CLASP2: variants seen among roughly 807,000 people sequenced by gnomAD.
The protein encoded by CLASP2 is CLIP-associating protein 2.
A neutral mutation model predicts 194.4 loss-of-function variants in CLASP2; 47 were observed. The observed-to-expected ratio is 0.24, with a 90% CI of 0.19 to 0.31. CLASP2 has a LOEUF of 0.31. CLASP2 is among the 10% of genes least tolerant of loss of function. The pLI is 1.00. For missense variants in CLASP2, 1,445 were observed against 1,823.6 expected (o/e 0.79, Z 3.78); for synonymous variants, 619 against 633.5 (o/e 0.98, Z 0.34).
chr3:33,528,816 A>G (rs944271775), intron 34 of CLASP2, among the ~76,000 whole-genome samples: 1 of 152,032 alleles, frequency 6.6e-6, no homozygotes, highest in Non-Finnish European at 1.5e-5. Context: ...GGAAGAAAGA[A>G]AGAGAGAAAG....
chr3:33,643,418 A>C (rs2081687466), intron 8 of CLASP2, among the ~76,000 whole-genome samples: 2 of 152,076 alleles, frequency 1.3e-5, no homozygotes, highest in East Asian at 1.9e-4. Flanking sequence ...TATACTTTTT[A>C]CTAGCGGTAA....
At position 33,573,228 on chromosome 3, in the gene CLASP2, T is replaced by C. The variant is rs755029277; in HGVS notation, c.2581A>G (p.Met861Val). 2.5e-6 allele frequency: 4 copies of C among 1,613,954 alleles called. No homozygotes were observed. Among genetic ancestry groups the C allele is most frequent in the South Asian group, 2.2e-5 (2 of 91,088 alleles). Residue 861 changes from methionine (M) to valine (V), a missense_variant, in exon 25 of 39, where the codon ATG becomes GTG. Around this residue, in one of 4 missense-constraint regions of CLASP2, gnomAD observed 732 missense variants for 987.9 expected, o/e 0.74. Coordinates refer to ENST00000682230, the MANE Select transcript of CLASP2 (RefSeq NM_001365631.1). ...TCTGCCACATCTTCCGTCTGCCTCA[T>C]ATATGTAGGAATACTACCATTTCGA... ...SSRNGSIPTY[M>V]RQTEDVAEVL...
intron 12 of CLASP2, among the ~76,000 whole-genome samples, chr3:33,617,423 C>T (rs548807394): frequency 3.0e-4 from 45 of 151,988 alleles, no homozygotes; most frequent in Non-Finnish European, 5.6e-4. Context: ...AGTTAGAAAT[C>T]TATATTTCAC....
chr3:33,556,427 TTTTC>T (rs1395155579), intron 29 of CLASP2, among the ~76,000 whole-genome samples: 14 of 151,654 alleles, frequency 9.2e-5, no homozygotes, highest in Middle Eastern at 6.3e-3. Context: ...TGAAAAGTGA[TTTTC>T]TTTCTTTCTT....
At chr3:33,539,480 G>A (rs1024408713) in intron 32 of CLASP2, among the ~76,000 whole-genome samples, 6 of 151,388 alleles carry the variant, frequency 4.0e-5, no homozygotes, top group Middle Eastern at 3.2e-3. Context: ...GATTACAGGC[G>A]CCGGCCACCA....
chr3:33,666,485 T>TGACTG (rs2086193548), intron 6 of CLASP2, among the ~76,000 whole-genome samples: 1 of 152,246 alleles, frequency 6.6e-6, no homozygotes, highest in South Asian at 2.1e-4. Context: ...TGGCCTTTTG[T>TGACTG]GACTGGCTTC....
At chr3:33,695,127 T>C (rs116309070) in intron 2 of CLASP2, among the ~76,000 whole-genome samples, 225 of 151,524 alleles carry the variant, frequency 1.5e-3, no homozygotes, top group African/African-American at 5.2e-3. Context: ...TGGTGCAATC[T>C]TAGTTCATTG....
At chr3:33,671,894 G>C (rs1004858994) in intron 6 of CLASP2, among the ~76,000 whole-genome samples, 1 of 152,166 alleles carries the variant, frequency 6.6e-6, no homozygotes, top group Admixed American at 6.5e-5. Flanking sequence ...TGGGAGAGGG[G>C]TGCCCGCCAT....
intron 36 of CLASP2, among the ~76,000 whole-genome samples, chr3:33,513,399 G>A (rs2050463796): frequency 6.6e-6 from 1 of 152,036 alleles, no homozygotes; most frequent in Non-Finnish European, 1.5e-5. Flanking sequence ...GGGCATGGTG[G>A]TGCACACCTG....
At chr3:33,573,565 G>A in intron 24 of CLASP2, 1 of 607,888 alleles carries the variant, frequency 1.6e-6, no homozygotes, top group East Asian at 3.0e-5. Flanking sequence ...TTAACTATGG[G>A]AAGTGGTAGA....
rs374501511 is a variant in CLASP2, at chr3:33,667,357, C to T, written c.645-3842G>A. On this transcript the variant is annotated intron_variant, in intron 6 of 38. Transcript: ENST00000682230. ...AAGGGAGATGGAGGGTGCAGTGAGC[C>T]GAGATCGTGTCACTGCACTCCAGCC... is the stretch of plus-strand genomic sequence containing the variant. Among the ~76,000 whole-genome samples, 56 of 132,842 alleles carry T rather than the reference C, an allele frequency of 4.2e-4. No homozygotes were observed. In the Middle Eastern group the frequency reaches 0.013, roughly 31 times the overall value. 87.1% of individuals were successfully genotyped at this position (132,842 alleles called of 152,430 possible). A position where few individuals can be genotyped will look rare whatever the true frequency, so the allele number is the denominator to read the frequency against.
intron 18 of CLASP2, among the ~76,000 whole-genome samples, chr3:33,599,086 C>T (rs2071284892): frequency 6.6e-6 from 1 of 150,398 alleles, no homozygotes; most frequent in East Asian, 1.9e-4. Flanking sequence ...CATCACTCTG[C>T]TAAGTAGTTG....
At chr3:33,546,142 T>C (rs1203430709) in intron 30 of CLASP2, among the ~76,000 whole-genome samples, 3 of 152,226 alleles carry the variant, frequency 2.0e-5, no homozygotes, top group Non-Finnish European at 1.5e-5. Flanking sequence ...ATATACTTTA[T>C]TCCATCTAGT....
At chr3:33,559,968 T>C (rs1012782205) in intron 28 of CLASP2, among the ~76,000 whole-genome samples, 2 of 152,164 alleles carry the variant, frequency 1.3e-5, no homozygotes, top group African/African-American at 4.8e-5. Context: ...CAGAAAAATG[T>C]ATTCAGTAAA....
intron 34 of CLASP2, among the ~76,000 whole-genome samples, chr3:33,534,810 T>C (rs570909665): frequency 2.0e-5 from 3 of 152,298 alleles, no homozygotes; most frequent in Admixed American, 6.5e-5. Context: ...TTTCCTTATA[T>C]TTCGTCCTTG....
intron 8 of CLASP2, among the ~76,000 whole-genome samples, chr3:33,635,352 C>T (rs1181733716): frequency 1.3e-5 from 2 of 152,038 alleles, no homozygotes; most frequent in Non-Finnish European, 2.9e-5. Flanking sequence ...ATGAAGTGTC[C>T]AGTCTTCCCT....
chr3:33,682,484 TTGAG>T (rs1395058735), intron 6 of CLASP2, among the ~76,000 whole-genome samples: 22 of 152,324 alleles, frequency 1.4e-4, no homozygotes, highest in African/African-American at 2.6e-4. Flanking sequence ...TTCCACCTAC[TTGAG>T]TATTTGTTTG....
chr3:33,570,796 A>G lies in CLASP2; in HGVS notation c.2700-6T>C. 1.9e-6 allele frequency: 3 copies of G among 1,576,852 alleles called. No individual in the cohort carries two copies. The highest frequency in any genetic ancestry group is 2.6e-6 in the Non-Finnish European group (3 of 1,160,418). ...ATCTTTTCAGTTCAACTCGACTGCC[A>G]AGATAATACAGCGGTTAATTAATAT... On this transcript the variant is annotated splice_region_variant and splice_polypyrimidine_tract_variant and intron_variant, in intron 25 of 38. Transcript: ENST00000682230.
Position 33,539,282 on chromosome 3 carries a change from A to C in CLASP2, c.3405-340T>G, listed in dbSNP as rs189031444. 2.6e-3 allele frequency among the ~76,000 whole-genome samples: 389 copies of C among 152,192 alleles called. 3 individuals are homozygous for C. Among genetic ancestry groups the C allele is most frequent in the African/African-American group, 8.9e-3 (368 of 41,554 alleles). On this transcript the variant is annotated intron_variant, in intron 32 of 38. Transcript: ENST00000682230. ...CATTTTTAAAAGATTGGAAAAAAACAAAAAAAATCATGAAAATTAGATAAA... is the reference window on the plus strand; with the variant it reads ...CATTTTTAAAAGATTGGAAAAAAACCAAAAAAATCATGAAAATTAGATAAA...
Sources: allele counts gnomAD v4.1 joint callset (sites outside exome capture counted in the v4.1 genomes callset), GRCh38; gene constraint gnomAD v4.1.1; regional missense constraint gnomAD v4.1.1; transcripts MANE v1.5; gene names NCBI Gene and HGNC (gene_info 2026-07-23, HGNC 2026-07-21).